HAUS2: variants seen among roughly 807,000 people sequenced by gnomAD.
HAUS2 encodes HAUS augmin like complex subunit 2, also known as HAUS augmin-like complex subunit 2.
A neutral mutation model predicts 21.6 loss-of-function variants in HAUS2; 20 were observed. The observed-to-expected ratio is 0.93, with a 90% CI of 0.65 to 1.35. HAUS2 has a LOEUF of 1.35. HAUS2 is among the 40% of genes most tolerant of loss of function. HAUS2 has a pLI of 0.00. For synonymous variants in HAUS2, 113 were observed against 95.6 expected, an observed-to-expected ratio of 1.18 and a Z score of -1.06; for missense variants, 297 against 280.7, an observed-to-expected ratio of 1.06 and a Z score of -0.42.
chr15:42,555,656 T>G (rs1459339645), intron 1 of HAUS2, among the ~76,000 whole-genome samples: 3 of 152,202 alleles, frequency 2.0e-5, no homozygotes, highest in Non-Finnish European at 4.4e-5. Flanking sequence ...CTAGAATACC[T>G]TTTTCTTCCC....
chr15:42,550,312 A>G (rs895542377), intron 1 of HAUS2, among the ~76,000 whole-genome samples: 5 of 151,632 alleles, frequency 3.3e-5, no homozygotes, highest in Admixed American at 6.6e-5. Flanking sequence ...AGCACTACAA[A>G]CATGATGGAA....
At chr15:42,557,762 C>G (rs1044788373) in intron 1 of HAUS2, among the ~76,000 whole-genome samples, 5 of 150,540 alleles carry the variant, frequency 3.3e-5, no homozygotes, top group Non-Finnish European at 7.4e-5. Context: ...TTGTAGGCAA[C>G]TGAGGTCATT....
In HAUS2 at chr15:42,566,792, T is replaced by C. The variant is rs754043020; in HGVS notation, c.684T>C (p.His228=). The change falls in exon 6 of 6, where the codon CAT becomes CAC. Residue 228 remains histidine (H), a synonymous_variant. Coordinates refer to ENST00000260372, the MANE Select transcript of HAUS2 (RefSeq NM_018097.3). ...CTTTACCTTTTACTTCTAAAGTTCA[T>C]GTCCAAACTATTAATGCCAAGTAGT... ...MPPLPFTSKV[H]VQTINAK 4.6e-6 allele frequency: 7 copies of C among 1,523,746 alleles called. No homozygotes were observed. Among genetic ancestry groups the C allele is most frequent in the Non-Finnish European group, 6.4e-6 (7 of 1,098,112 alleles). 94.4% of individuals were successfully genotyped at this position (1,523,746 alleles called of 1,614,324 possible).
intron 4 of HAUS2, among the ~76,000 whole-genome samples, chr15:42,562,913 G>A (rs1345797975): frequency 6.6e-6 from 1 of 152,090 alleles, no homozygotes; most frequent in Non-Finnish European, 1.5e-5. Context: ...GGGAGTTTGA[G>A]ACCAGCTTGG....
In HAUS2 at chr15:42,558,242, C is replaced by G; in HGVS notation, c.138C>G (p.Asn46Lys). The stretch of plus-strand genomic sequence containing the variant: ...AGAAAACAGTTTCTTGTTTTGTGAA[C>G]TTCACCAGACTACAGCAGATCACAA... Reference protein sequence around the residue: ...MSKKTVSCFVNFTRLQQITNI... With the variant: ...MSKKTVSCFVKFTRLQQITNI... The change falls in exon 2 of 6, where the codon AAC (asparagine) becomes AAG (lysine). Residue 46 changes from asparagine to lysine, a missense_variant. Asn to Lys is a moderately conservative substitution (Grantham distance 94). Coordinates refer to ENST00000260372, the MANE Select transcript of HAUS2 (RefSeq NM_018097.3). The G allele has an allele frequency of 6.7e-7, 1 of 1,498,880 alleles. No homozygotes were observed. Among genetic ancestry groups the G allele is most frequent in the Non-Finnish European group, 9.2e-7 (1 of 1,081,620 alleles). 92.8% of individuals were successfully genotyped at this position (1,498,880 alleles called of 1,614,324 possible).
intron 4 of HAUS2, among the ~76,000 whole-genome samples, chr15:42,563,410 CA>C (rs745358598): frequency 0.012 from 730 of 59,336 alleles, 2 homozygotes; most frequent in African/African-American, 0.04. Flanking sequence ...GACTCCATCT[CA>C]AAAAAAAAAA....
rs766894185 is a variant in HAUS2, at chr15:42,558,239, G to C, written c.135G>C (p.Val45=). The change falls in exon 2 of 6, where the codon GTG becomes GTC. Residue 45 remains valine (V), a synonymous_variant. Coordinates refer to ENST00000260372, the MANE Select transcript of HAUS2 (RefSeq NM_018097.3). ...NMSKKTVSCF[V]NFTRLQQITN... ...CTAAGAAAACAGTTTCTTGTTTTGT[G>C]AACTTCACCAGACTACAGCAGATCA... The C allele has an allele frequency of 2.0e-6, 3 of 1,501,166 alleles. No homozygotes were observed. The highest frequency in any genetic ancestry group is 2.3e-5 in the South Asian group (2 of 86,334). 93.0% of individuals were successfully genotyped at this position (1,501,166 alleles called of 1,614,324 possible).
At position 42,558,280 on chromosome 15, in the gene HAUS2, A is replaced by G. The variant is rs779057185; in HGVS notation, c.176A>G (p.Glu59Gly). 1.5e-5 allele frequency: 19 copies of G among 1,284,802 alleles called. No homozygotes were observed. The highest frequency in any genetic ancestry group is 2.0e-5 in the Non-Finnish European group (18 of 893,950). The allele number at this position is 1,284,802 out of a possible 1,614,324, so 79.6% of individuals were successfully genotyped here. ...CAGCAGATCACAAATATTCAAGCTG[A>G]AATCTACCAGGTAAATCATTTTGTT... Reference protein sequence around the residue: ...RLQQITNIQAEIYQKNLEIEL... With the variant: ...RLQQITNIQAGIYQKNLEIEL... Residue 59 changes from glutamate (E) to glycine (G), a missense_variant, in exon 2 of 6, where the codon GAA becomes GGA. Glu to Gly is a moderately conservative substitution (Grantham distance 98, BLOSUM62 -2). Transcript: ENST00000260372.
chr15:42,566,409 G>A (rs1341829675), intron 5 of HAUS2, among the ~76,000 whole-genome samples, 198 bp from the exon 6 acceptor site: 1 of 152,178 alleles, frequency 6.6e-6, no homozygotes, highest in Non-Finnish European at 1.5e-5. Context: ...TCTGCATTGA[G>A]TGATTATTGA....
Position 42,548,880 on chromosome 15 carries a change from C to T in HAUS2, c.8C>T (p.Ala3Val). The T allele has an allele frequency of 3.2e-6, 5 of 1,549,794 alleles. No homozygotes were observed. Among genetic ancestry groups the T allele is most frequent in the Non-Finnish European group, 3.5e-6 (4 of 1,146,492 alleles). Residue 3 changes from alanine (A) to valine (V), a missense_variant, in exon 1 of 6, where the codon GCT (alanine) becomes GTT (valine). Ala to Val is a moderately conservative substitution (Grantham distance 64). Coordinates refer to ENST00000260372, the MANE Select transcript of HAUS2 (RefSeq NM_018097.3). ...GGAAGGTGCGTCCGAGCCATGGCCG[C>T]TGCCAACCCGTGGGACCCGGCGTCC... MA[A>V]ANPWDPASAP...
chr15:42,562,394 A>G (rs1476930951), intron 4 of HAUS2, among the ~76,000 whole-genome samples: 3 of 152,166 alleles, frequency 2.0e-5, no homozygotes, highest in African/African-American at 7.2e-5. Context: ...CAGGAGTTCA[A>G]GACCAGCCTG....
intron 5 of HAUS2, among the ~76,000 whole-genome samples, chr15:42,566,294 G>GT (rs1004188571): frequency 1.2e-4 from 18 of 152,132 alleles, no homozygotes; most frequent in African/African-American, 4.3e-4. Context: ...GTTAGACTGA[G>GT]TTTGAGATAT....
rs1286060123 is a variant in HAUS2, at chr15:42,569,655, T to C, written c.*2839T>C. The C allele has an allele frequency of 6.6e-6, 1 of 152,142 alleles. No individual in the cohort carries two copies. The highest frequency in any genetic ancestry group is 1.5e-5 in the Non-Finnish European group (1 of 68,032). The allele number at this position is 152,142 out of a possible 1,614,324, so 9.4% of individuals were successfully genotyped here. A position where few individuals can be genotyped will look rare whatever the true frequency, so the allele number is the denominator to read the frequency against. ...AGACTTCAACAATGATAAGTAGTTG[T>C]TTATAAGGAAGCAGGATCATTACCA... is the stretch of plus-strand genomic sequence containing the variant. On this transcript the variant is annotated 3_prime_UTR_variant, in exon 6 of 6. Coordinates refer to ENST00000260372, the MANE Select transcript of HAUS2 (RefSeq NM_018097.3).
intron 1 of HAUS2, among the ~76,000 whole-genome samples, chr15:42,557,363 T>A (rs1354224693): frequency 4.9e-4 from 5 of 10,174 alleles, no homozygotes; most frequent in Non-Finnish European, 4.4e-3. Context: ...TAATATATAT[T>A]TTATATATAT....
chr15:42,549,493 C>G (rs936321907), intron 1 of HAUS2, among the ~76,000 whole-genome samples: 4 of 151,956 alleles, frequency 2.6e-5, no homozygotes, highest in Admixed American at 2.6e-4. Context: ...AACGCCCAGG[C>G]TGGAGTGCAG....
chr15:42,548,842 T>C lies in HAUS2; in HGVS notation c.-31T>C, dbSNP rs1239935462. ...GTTCGCCCTGCGATCCCGCTCACTC[T>C]TGGCGCCTTCGCGGAAGGTGCGTCC... On this transcript the variant is annotated 5_prime_UTR_variant, in exon 1 of 6. Transcript: ENST00000260372. 30 of 1,515,178 alleles carry C rather than the reference T, an allele frequency of 2.0e-5. No homozygotes were observed. The highest frequency in any genetic ancestry group is 2.7e-5 in the Non-Finnish European group (30 of 1,117,132). 93.9% of individuals were successfully genotyped at this position (1,515,178 alleles called of 1,614,324 possible).
In HAUS2 at chr15:42,569,970, A is replaced by C. The variant is rs1188978237; in HGVS notation, c.*3154A>C. 1.3e-5 allele frequency: 2 copies of C among 152,208 alleles called. No homozygotes were observed. Among genetic ancestry groups the C allele is most frequent in the African/African-American group, 4.8e-5 (2 of 41,444 alleles). 9.4% of individuals were successfully genotyped at this position (152,208 alleles called of 1,614,324 possible). A position where few individuals can be genotyped will look rare whatever the true frequency, so the allele number is the denominator to read the frequency against. On this transcript the variant is annotated 3_prime_UTR_variant, in exon 6 of 6. Coordinates refer to ENST00000260372, the MANE Select transcript of HAUS2 (RefSeq NM_018097.3). The stretch of plus-strand genomic sequence containing the variant: ...ATTATGCCTTTTTCAAAATATAAAA[A>C]TAAACTTGTAATTTCTAACTAAAAT...
chr15:42,558,175 T>G, intron 1 of HAUS2, 23 bp from the exon 2 acceptor site: 1 of 1,044,944 alleles, frequency 9.6e-7, no homozygotes, highest in Non-Finnish European at 1.5e-6. Context: ...ATTCTGCTAC[T>G]TTCCTTATTC....
chr15:42,561,252 G>A lies in HAUS2; in HGVS notation c.257-18G>A. On this transcript the variant is annotated intron_variant, in intron 3 of 5. Transcript: ENST00000260372. ...TGTCCTATTGCTAACTATAATTACT[G>A]TTTTTTAATTTGTATAGCTCAGAAG... The A allele has an allele frequency of 6.8e-7, 1 of 1,479,034 alleles. No individual in the cohort carries two copies. Among genetic ancestry groups the A allele is most frequent in the Non-Finnish European group, 9.4e-7 (1 of 1,060,520 alleles). The allele number at this position is 1,479,034 out of a possible 1,614,324, so 91.6% of individuals were successfully genotyped here.
Sources: gnomAD v4.1 joint callset for allele counts (sites outside exome capture counted in the v4.1 genomes callset) on GRCh38, gnomAD v4.1.1 for gene constraint, MANE v1.5 for transcripts, NCBI Gene and HGNC (gene_info 2026-07-23, HGNC 2026-07-21) for gene names.